The following NT5C1A variants were observed in gnomAD, a reference collection of about 807,000 sequenced individuals.
The protein encoded by NT5C1A is cytosolic 5'-nucleotidase 1A.
NT5C1A carries 18 observed loss-of-function variants against 31.0 expected under a neutral mutation model. That is an observed-to-expected ratio of 0.58 (90% CI 0.40 to 0.86). NT5C1A has a LOEUF of 0.86. Among genes scored for constraint, NT5C1A ranks in the 40% least tolerant of loss-of-function variants. The pLI is 0.00. For synonymous variants in NT5C1A, 185 were observed against 203.6 expected, an observed-to-expected ratio of 0.91 and a Z score of 0.78; for missense variants, 470 against 505.4, an observed-to-expected ratio of 0.93 and a Z score of 0.67.
intron 1 of NT5C1A, among the ~76,000 whole-genome samples, chr1:39,667,785 A>G (rs1646531988): frequency 6.6e-6 from 1 of 152,246 alleles, no homozygotes; most frequent in Admixed American, 6.5e-5. Context: ...ACTTTCTATG[A>G]TAATGGAAAT....
intron 4 of NT5C1A, 122 bp from the exon 5 acceptor site, chr1:39,661,385 C>T (rs1295955248): frequency 1.4e-5 from 7 of 506,500 alleles, no homozygotes; most frequent in Non-Finnish European, 2.6e-5. Context: ...CTGATGAAAA[C>T]TAATATTTAA....
intron 1 of NT5C1A, among the ~76,000 whole-genome samples, chr1:39,667,747 A>G (rs1161444739): frequency 1.3e-5 from 2 of 152,226 alleles, no homozygotes; most frequent in Non-Finnish European, 2.9e-5. Context: ...GGCCAATGCC[A>G]TCTTTTAAAA....
chr1:39,659,341 AG>A lies in NT5C1A; in HGVS notation c.886del (p.Leu296CysfsTer75), dbSNP rs773146931. 6 of 1,613,948 alleles carry A rather than the reference AG, an allele frequency of 3.7e-6. No homozygotes were observed. In the Admixed American group the frequency reaches 1.0e-4, roughly 27 times the overall value. ...ASSGARALKT[L>X]RSWGLETDEA... is the part of the protein sequence containing the mutation. The stretch of plus-strand genomic sequence containing the variant: ...ATCTGTCTCCAGGCCCCAGCTGCGC[AG>A]GGTCTTGAGAGCCCGGGCCCCGGAA... On this transcript the variant is annotated frameshift_variant, in exon 6 of 6. Coordinates refer to ENST00000235628, the MANE Select transcript of NT5C1A (RefSeq NM_032526.3). LOFTEE classifies it high-confidence loss of function.
rs200326702 is a variant in NT5C1A, at chr1:39,661,244, G to A, written c.576C>T (p.Ile192=). Residue 192 remains isoleucine (I), a synonymous_variant, in exon 5 of 6, where the codon ATC becomes ATT. Transcript: ENST00000235628. The part of the protein sequence containing the change: ...AIDEGIAAAT[I]FSPSRDVVVS... ...CAACCACATCCCTGCTGGGGCTGAA[G>A]ATGGTGGCAGCTGCGATCCCTAGGC... The A allele has an allele frequency of 2.3e-5, 36 of 1,582,222 alleles. No homozygotes were observed. The East Asian group carries it at 5.4e-4, about 24-fold the overall frequency.
intron 5 of NT5C1A, 89 bp from the exon 6 acceptor site, chr1:39,659,575 G>A (rs1479288529): frequency 2.0e-6 from 3 of 1,478,010 alleles, no homozygotes; most frequent in East Asian, 2.3e-5. Context: ...GTCTTGTTTG[G>A]TGTGGAAAAC....
At chr1:39,664,490 C>CCTCTCCCT (rs1553485417) in intron 3 of NT5C1A, among the ~76,000 whole-genome samples, 1 of 2,894 alleles carries the variant, frequency 3.5e-4, no homozygotes, top group African/African-American at 1.8e-3. Context: ...GTGGATTTCT[C>CCTCTCCCT]CTCCTCTCCT....
intron 3 of NT5C1A, among the ~76,000 whole-genome samples, chr1:39,664,487 T>TCTTCTC (rs1553485411): frequency 6.9e-4 from 1 of 1,452 alleles, no homozygotes; most frequent in Admixed American, 6.2e-3. Flanking sequence ...AGAGTGGATT[T>TCTTCTC]CTCCTCCTCT....
At position 39,653,543 on chromosome 1, in the gene NT5C1A, G is replaced by A. The variant is rs1015930012; in HGVS notation, c.*5578C>T. On this transcript the variant is annotated 3_prime_UTR_variant, in exon 6 of 6. Coordinates refer to ENST00000235628, the MANE Select transcript of NT5C1A (RefSeq NM_032526.3). Reference sequence around the variant, plus strand: ...GGCAAGAGCAATCGGCTCGTCACTCGGGCATATTTAGCAAACATTTCCAGA... The same window carrying A: ...GGCAAGAGCAATCGGCTCGTCACTCAGGCATATTTAGCAAACATTTCCAGA... 6.6e-6 allele frequency among the ~76,000 whole-genome samples: 1 copy of A among 152,106 alleles called. No individual in the cohort carries two copies.
rs141873947 is a variant in NT5C1A, at chr1:39,666,463, G to A, written c.136-227C>T. ...GGCTCCCTTGCTGGAAGCACAATCTGATGGAGGGAGGGCCATGCCCTTGGG... is the reference window on the plus strand; with the variant it reads ...GGCTCCCTTGCTGGAAGCACAATCTAATGGAGGGAGGGCCATGCCCTTGGG... On this transcript the variant is annotated intron_variant, in intron 1 of 5. Transcript: ENST00000235628. 1.8e-3 allele frequency among the ~76,000 whole-genome samples: 269 copies of A among 152,348 alleles called. 2 individuals are homozygous for A. The highest frequency in any genetic ancestry group is 6.1e-3 in the African/African-American group (254 of 41,580).
chr1:39,663,056 A>C (rs563478673), intron 4 of NT5C1A, among the ~76,000 whole-genome samples: 1 of 152,358 alleles, frequency 6.6e-6, no homozygotes, highest in African/African-American at 2.4e-5. Context: ...TTCCATGGAA[A>C]CAGAAGGCTG....
intron 5 of NT5C1A, 143 bp downstream of exon 5, chr1:39,660,936 G>C: frequency 1.7e-6 from 1 of 586,114 alleles, no homozygotes; most frequent in South Asian, 2.5e-5. Context: ...GGGGTCAGTG[G>C]TCAAGTGAGA....
intron 2 of NT5C1A, 21 bp from the exon 3 acceptor site, chr1:39,665,671 C>G: frequency 6.2e-7 from 1 of 1,610,872 alleles, no homozygotes; most frequent in Non-Finnish European, 8.5e-7. Context: ...GAGGGCACCC[C>G]CCAGCTTAGA....
Position 39,651,496 on chromosome 1 carries a change from AAC to A in NT5C1A, c.*7623_*7624del, listed in dbSNP as rs1646431891. Among the ~76,000 whole-genome samples, 1 of 152,220 alleles carries A rather than the reference AAC, an allele frequency of 6.6e-6. No homozygotes were observed. The highest frequency in any genetic ancestry group is 1.9e-4 in the East Asian group (1 of 5,202). ...ACAAGGGAAGTCACAAAGACGAAGA[AAC>A]ACATGCTCTAACCATTTACGGAGGC... On this transcript the variant is annotated 3_prime_UTR_variant, in exon 6 of 6. Transcript: ENST00000235628.
In NT5C1A at chr1:39,670,647, C is replaced by T. The variant is rs1347786036; in HGVS notation, c.135+1257G>A. On this transcript the variant is annotated intron_variant, in intron 1 of 5. Coordinates refer to ENST00000235628, the MANE Select transcript of NT5C1A (RefSeq NM_032526.3). Reference sequence around the variant, plus strand: ...AGACTCCTTAACATGATCCCCAAGGCCCTCTGTGGGCTCTTCCACATCCCT... The same window carrying T: ...AGACTCCTTAACATGATCCCCAAGGTCCTCTGTGGGCTCTTCCACATCCCT... Among the ~76,000 whole-genome samples the T allele has an allele frequency of 2.0e-5, 3 of 152,314 alleles. No homozygotes were observed. In the East Asian group the frequency reaches 5.8e-4, roughly 29 times the overall value.
At position 39,665,602 on chromosome 1, in the gene NT5C1A, C is replaced by T; in HGVS notation, c.352G>A (p.Glu118Lys). ...RRLRELYPDS[E>K]DVFDIVLMTN... The stretch of plus-strand genomic sequence containing the variant: ...ATGAGGACGATGTCGAAGACGTCCT[C>T]ACTATCAGGGTACAGCTCCCGCAGC... The change falls in exon 3 of 6, where the codon GAG (glutamate) becomes AAG (lysine). Residue 118 changes from glutamate (E) to lysine (K), a missense_variant. Physicochemically the swap from Glu to Lys is moderately conservative, Grantham distance 56. Transcript: ENST00000235628. 1 of 1,613,418 alleles carries T rather than the reference C, an allele frequency of 6.2e-7. No individual in the cohort carries two copies.
chr1:39,665,509 G>T lies in NT5C1A; in HGVS notation c.433+12C>A, dbSNP rs784594. The T allele has an allele frequency of 7.9e-3, 12,774 of 1,606,888 alleles. 763 individuals carry two copies. The African/African-American group carries it at 0.14, about 18-fold the overall frequency. ...CCCAGGGCAAACCCCCCATCCTCAT[G>T]CTCATGCTCACCATAGTGGTTGATA... On this transcript the variant is annotated intron_variant, in intron 3 of 5. Transcript: ENST00000235628.
rs1375562100 is a variant in NT5C1A at position 39,656,025 on chromosome 1, G to C, written c.*3096C>G. On this transcript the variant is annotated 3_prime_UTR_variant, in exon 6 of 6. Transcript: ENST00000235628. ...CTACTCTGATTGGGCTCTCAGATAGGAGAGGGGGATGTTTTGCAACTGGCT... is the reference window on the plus strand; with the variant it reads ...CTACTCTGATTGGGCTCTCAGATAGCAGAGGGGGATGTTTTGCAACTGGCT... Among the ~76,000 whole-genome samples the C allele has an allele frequency of 6.6e-6, 1 of 152,164 alleles. No individual in the cohort carries two copies. Among genetic ancestry groups the C allele is most frequent in the African/African-American group, 2.4e-5 (1 of 41,428 alleles).
chr1:39,669,544 G>T (rs933892074), intron 1 of NT5C1A, among the ~76,000 whole-genome samples: 1 of 152,202 alleles, frequency 6.6e-6, no homozygotes. Flanking sequence ...CCCCAAAATA[G>T]CCTGTGGGAA....
Position 39,661,250 on chromosome 1 carries a change from G to A in NT5C1A, c.570C>T (p.Ala190=). Residue 190 remains alanine (A), a synonymous_variant, in exon 5 of 6, where the codon GCC becomes GCT. Transcript: ENST00000235628. ...REAIDEGIAA[A]TIFSPSRDVV... ...CATCCCTGCTGGGGCTGAAGATGGT[G>A]GCAGCTGCGATCCCTAGGCAGAGAG... 1 of 1,576,616 alleles carries A rather than the reference G, an allele frequency of 6.3e-7. No individual in the cohort carries two copies. Among genetic ancestry groups the A allele is most frequent in the Non-Finnish European group, 8.7e-7 (1 of 1,148,834 alleles).
Sources: gnomAD v4.1 joint callset for allele counts (sites outside exome capture counted in the v4.1 genomes callset) on GRCh38, gnomAD v4.1.1 for gene constraint, MANE v1.5 for transcripts, NCBI Gene and HGNC (gene_info 2026-07-23, HGNC 2026-07-21) for gene names.